Variants in OTOF observed in about 807,000 individuals in gnomAD.
The protein encoded by OTOF is fer-1-like family member 2.
OTOF carries 218 observed loss-of-function variants against 236.8 expected under a neutral mutation model. The observed-to-expected ratio is 0.92, with a 90% CI of 0.82 to 1.03. The LOEUF (loss-of-function observed/expected upper bound fraction) is 1.03, where lower values mean the gene tolerates loss of function less well. Ranked by LOEUF, OTOF falls within the 50% of genes least tolerant of loss-of-function variation. The probability of loss-of-function intolerance (pLI) is 0.00; values close to 1 mark genes in which losing one functional copy is unlikely to be tolerated. For missense variants in OTOF, 2,590 were observed against 2,694.4 expected (o/e 0.96, Z 0.86); for synonymous variants, 1,041 against 1,072.5 (o/e 0.97, Z 0.57).
At chr2:26,556,860 G>A (rs373779417) in intron 1 of OTOF, among the ~76,000 whole-genome samples, 29 of 152,284 alleles carry the variant, frequency 1.9e-4, no homozygotes, top group African/African-American at 5.8e-4. Flanking sequence ...TAGCTTAACC[G>A]CCCCACACTA....
intron 5 of OTOF, among the ~76,000 whole-genome samples, chr2:26,514,322 G>T (rs938510426): frequency 1.3e-5 from 2 of 152,376 alleles, no homozygotes; most frequent in South Asian, 4.1e-4. Flanking sequence ...TTTTGCTCCC[G>T]CTTCTTGCTG....
At chr2:26,533,042 C>T (rs1202662914) in intron 2 of OTOF, among the ~76,000 whole-genome samples, 1 of 152,198 alleles carries the variant, frequency 6.6e-6, no homozygotes, top group Admixed American at 6.5e-5. Flanking sequence ...AGCCACACAG[C>T]AAGAGGTGAG....
At chr2:26,521,438 C>T (rs1666675003) in intron 3 of OTOF, among the ~76,000 whole-genome samples, 1 of 152,192 alleles carries the variant, frequency 6.6e-6, no homozygotes, top group Admixed American at 6.5e-5. Context: ...CGTCTGGTGC[C>T]TTCTAGGCTT....
At chr2:26,549,377 A>G (rs1667406269) in intron 1 of OTOF, among the ~76,000 whole-genome samples, 1 of 152,234 alleles carries the variant, frequency 6.6e-6, no homozygotes, top group Non-Finnish European at 1.5e-5. Flanking sequence ...ATGGTAGAAG[A>G]AAGAAATTCA....
At chr2:26,512,794 G>T (rs910805883) in intron 5 of OTOF, among the ~76,000 whole-genome samples, 5 of 152,152 alleles carry the variant, frequency 3.3e-5, no homozygotes, top group African/African-American at 1.2e-4. Context: ...TCAGTGAAGA[G>T]GAAGGAAGTG....
intron 18 of OTOF, chr2:26,478,136 C>T: frequency 1.0e-6 from 1 of 992,572 alleles, no homozygotes; most frequent in Non-Finnish European, 1.3e-6. Context: ...GAGCCTGTGG[C>T]AGGGGATGGG....
At chr2:26,503,937 T>C (rs111720028) in intron 5 of OTOF, 92 bp from the exon 6 acceptor site, 29 of 1,141,750 alleles carry the variant, frequency 2.5e-5, no homozygotes, top group Middle Eastern at 3.9e-4. Context: ...AGAGAACACA[T>C]CAGAGAAGGG....
intron 1 of OTOF, among the ~76,000 whole-genome samples, chr2:26,557,020 G>A (rs1018344452): frequency 6.6e-6 from 1 of 152,152 alleles, no homozygotes; most frequent in Non-Finnish European, 1.5e-5. Flanking sequence ...GAGGCAAAAG[G>A]CAGCCCAGCC....
chr2:26,496,908 A>G (rs2148073951), intron 8 of OTOF, among the ~76,000 whole-genome samples: 1 of 152,224 alleles, frequency 6.6e-6, no homozygotes, highest in Admixed American at 6.5e-5. Context: ...AAACAGCAGA[A>G]AGCTCTACAA....
intron 1 of OTOF, among the ~76,000 whole-genome samples, chr2:26,539,450 AC>A (rs112023253): frequency 2.6e-5 from 4 of 152,192 alleles, no homozygotes; most frequent in East Asian, 1.9e-4. Context: ...GAAAGTGGTT[AC>A]CCCCCTGGGC....
intron 1 of OTOF, among the ~76,000 whole-genome samples, chr2:26,555,508 C>T (rs1326671167): frequency 6.6e-6 from 1 of 152,228 alleles, no homozygotes; most frequent in Admixed American, 6.5e-5. Flanking sequence ...GAGCTAGATA[C>T]AGAACTGGCT....
rs1419226622 is a variant in OTOF at position 26,464,056 on chromosome 2, A to C, written c.5011T>G (p.Trp1671Gly). Residue 1671 changes from tryptophan to glycine, a missense_variant, in exon 40 of 47, where the codon TGG becomes GGG. By Grantham distance (184) the Trp-to-Gly change is radical. Around this residue, in one of 2 missense-constraint regions of OTOF, gnomAD observed 1,211 missense variants for 1,352.8 expected, o/e 0.90. Transcript: ENST00000272371. ...CAGCCTGCGCGGGGGATGTCCTCCC[A>C]GTGCCTCAGGGCCAACAGCGCCACA... is the stretch of plus-strand genomic sequence containing the variant. ...EHVALLALRH[W>G]EDIPRAGCRL... 6.2e-7 allele frequency: 1 copy of C among 1,613,612 alleles called. No homozygotes were observed. Among genetic ancestry groups the C allele is most frequent in the African/African-American group, 1.3e-5 (1 of 74,940 alleles).
chr2:26,460,902 C>G lies in OTOF; in HGVS notation c.5662G>C (p.Gly1888Arg), dbSNP rs1480376004. ...VSIFKQKRVK[G>R]WWPLLARNEN... is the part of the protein sequence containing the mutation. The stretch of plus-strand genomic sequence containing the variant: ...TTGCGGGCCAGGAGGGGCCACCAGC[C>G]TTTGACGCGCTTTTGCTTGAAGATG... The change falls in exon 44 of 47, where the codon GGC (glycine) becomes CGC (arginine). Residue 1888 changes from glycine to arginine, a missense_variant. By Grantham distance (125) the Gly-to-Arg change is moderately radical. Transcript: ENST00000272371. This position sits in a 1 kb window ranked among gnomAD's most constrained non-coding sequence, Gnocchi z 5.3. The G allele has an allele frequency of 1.9e-6, 3 of 1,614,058 alleles. No individual in the cohort carries two copies. Among genetic ancestry groups the G allele is most frequent in the Non-Finnish European group, 2.5e-6 (3 of 1,180,022 alleles).
At chr2:26,480,730 G>T in intron 15 of OTOF, 56 bp downstream of exon 15, 1 of 1,450,002 alleles carries the variant, frequency 6.9e-7, no homozygotes, top group Non-Finnish European at 9.6e-7. Flanking sequence ...GGTGACTCAG[G>T]GAGAAGGGGG....
Position 26,538,668 on chromosome 2 carries a change from G to A in OTOF, c.80-894C>T, listed in dbSNP as rs139419181. Among the ~76,000 whole-genome samples, 1,127 of 152,274 alleles carry A rather than the reference G, an allele frequency of 7.4e-3. 4 individuals are homozygous for A. Among genetic ancestry groups the A allele is most frequent in the Non-Finnish European group, 0.011 (727 of 68,018 alleles). ...GTTCAGTTCACTTTGAGAAACAGCC[G>A]CTGGAGTCTCTGATGTTCTAGGCCA... On this transcript the variant is annotated intron_variant, in intron 1 of 46. Coordinates refer to ENST00000272371, the MANE Select transcript of OTOF (RefSeq NM_194248.3).
chr2:26,461,838 G>T lies in OTOF; in HGVS notation c.5391C>A (p.Phe1797Leu). 1.2e-6 allele frequency: 2 copies of T among 1,614,156 alleles called. No individual in the cohort carries two copies. Among genetic ancestry groups the T allele is most frequent in the East Asian group, 2.2e-5 (1 of 44,878 alleles). ...GNFNWRYLFP[F>L]DYLAAEEKIV... ...TCTTCTCCTCCGCCGCCAGGTAGTC[G>T]AAGGGGAACAGGTAGCGCCAGTTGA... is the stretch of plus-strand genomic sequence containing the variant. Residue 1797 changes from phenylalanine (F) to leucine (L), a missense_variant, in exon 43 of 47, where the codon TTC becomes TTA. Coordinates refer to ENST00000272371, the MANE Select transcript of OTOF (RefSeq NM_194248.3). The surrounding 1 kb of genome is among the most constrained non-coding windows in gnomAD (Gnocchi z 6.2).
rs569374645 is a variant in OTOF, at chr2:26,488,883, T to C, written c.1045+328A>G. Among the ~76,000 whole-genome samples the C allele has an allele frequency of 5.3e-5, 8 of 152,358 alleles. No individual in the cohort carries two copies. In the South Asian group the frequency reaches 1.4e-3, roughly 28 times the overall value. On this transcript the variant is annotated intron_variant, in intron 11 of 46. Transcript: ENST00000272371. The stretch of plus-strand genomic sequence containing the variant: ...TCTCCCTCACCGCATCCTCTACCAC[T>C]ACTGGTCAGCCTGCCTATGGCCAGT...
In OTOF at chr2:26,503,884, G is replaced by A. The variant is rs884390; in HGVS notation, c.510-39C>T. 0.38 allele frequency: 599,272 copies of A among 1,567,330 alleles called. 118,266 individuals are homozygous for A. The highest frequency in any genetic ancestry group is 0.4 in the Non-Finnish European group (455,912 of 1,137,892). On this transcript the variant is annotated intron_variant, in intron 5 of 46. Coordinates refer to ENST00000272371, the MANE Select transcript of OTOF (RefSeq NM_194248.3). Reference sequence around the variant, plus strand: ...CACCAGAATGAGGTGCAGGGAGAGGGACGCATGGAGGAAAACACACAAACA... The same window carrying A: ...CACCAGAATGAGGTGCAGGGAGAGGAACGCATGGAGGAAAACACACAAACA...
chr2:26,475,668 C>T (rs1306077972), intron 24 of OTOF, among the ~76,000 whole-genome samples, 175 bp from the exon 25 acceptor site: 1 of 152,206 alleles, frequency 6.6e-6, no homozygotes, highest in African/African-American at 2.4e-5. Flanking sequence ...GCCCAAGCCC[C>T]CTGCCAATGT....
Sources: allele counts gnomAD v4.1 joint callset (sites outside exome capture counted in the v4.1 genomes callset), GRCh38; gene constraint gnomAD v4.1.1; regional missense constraint gnomAD v4.1.1; non-coding constraint Gnocchi (gnomAD v3.1); transcripts MANE v1.5; gene names NCBI Gene and HGNC (gene_info 2026-07-23, HGNC 2026-07-21).